The following CTNND2 variants were observed in gnomAD, a reference collection of about 807,000 sequenced individuals.
CTNND2 encodes the protein catenin delta 2, also known as catenin delta-2.
Under a neutral mutation model 144.4 loss-of-function variants are expected in CTNND2, and 22 were observed. That is an observed-to-expected ratio of 0.15 (90% CI 0.11 to 0.22). The LOEUF (loss-of-function observed/expected upper bound fraction) is 0.22, where lower values mean the gene tolerates loss of function less well. Ranked by LOEUF, CTNND2 falls within the 10% of genes least tolerant of loss-of-function variation. The pLI is 1.00. For missense variants in CTNND2, 1,353 were observed against 1,618.8 expected, an observed-to-expected ratio of 0.84 and a Z score of 2.82; for synonymous variants, 751 against 695.6, an observed-to-expected ratio of 1.08 and a Z score of -1.25.
chr5:11,564,609 T>A (rs1776929854), intron 3 of CTNND2, among the ~76,000 whole-genome samples: 1 of 151,522 alleles, frequency 6.6e-6, no homozygotes, highest in Non-Finnish European at 1.5e-5. Flanking sequence ...GAGCTCTGGA[T>A]CATTTACGAA....
chr5:11,495,946 T>C (rs1242056858), intron 3 of CTNND2, among the ~76,000 whole-genome samples: 1 of 152,182 alleles, frequency 6.6e-6, no homozygotes, highest in Non-Finnish European at 1.5e-5. Flanking sequence ...AGGACCTGTG[T>C]ATCTGGCAGT....
At chr5:11,687,770 T>C (rs369179926) in intron 2 of CTNND2, among the ~76,000 whole-genome samples, 41 of 151,974 alleles carry the variant, frequency 2.7e-4, no homozygotes, top group African/African-American at 9.2e-4. Context: ...TAATACACAG[T>C]GTGTTGGAAG....
chr5:11,652,502 T>A lies in CTNND2; in HGVS notation c.174+79634A>T, dbSNP rs146172229. Among the ~76,000 whole-genome samples the A allele has an allele frequency of 1.1e-4, 17 of 152,310 alleles. No individual in the cohort carries two copies. In the East Asian group the frequency reaches 2.3e-3, roughly 21 times the overall value. ...AAATAATTTATAAATTTCCAGCTATTTATATTGTATTGACATTTGTGAATG... is the reference window on the plus strand; with the variant it reads ...AAATAATTTATAAATTTCCAGCTATATATATTGTATTGACATTTGTGAATG... On this transcript the variant is annotated intron_variant, in intron 2 of 21. Transcript: ENST00000304623.
intron 10 of CTNND2, among the ~76,000 whole-genome samples, chr5:11,200,017 G>GACTT: frequency 6.6e-6 from 1 of 152,290 alleles, no homozygotes; most frequent in South Asian, 2.1e-4. Flanking sequence ...TCATTCCCTA[G>GACTT]ACTTATTAAA....
chr5:11,239,190 C>T (rs907964953), intron 9 of CTNND2, among the ~76,000 whole-genome samples: 1 of 152,266 alleles, frequency 6.6e-6, no homozygotes, highest in African/African-American at 2.4e-5. Context: ...TAGGTGATGG[C>T]TTACACGGCA....
intron 1 of CTNND2, among the ~76,000 whole-genome samples, chr5:11,857,821 A>G (rs533780153): frequency 0.015 from 2,289 of 152,318 alleles, 57 homozygotes; most frequent in African/African-American, 0.049. Flanking sequence ...GCATATAAGA[A>G]AAGGAAGAAT....
At chr5:11,863,131 T>C (rs1196261303) in intron 1 of CTNND2, among the ~76,000 whole-genome samples, 1 of 152,218 alleles carries the variant, frequency 6.6e-6, no homozygotes, top group Non-Finnish European at 1.5e-5. Flanking sequence ...AATTGTGTTT[T>C]CCTAAGAAAG....
chr5:11,146,719 A>T (rs576627287), intron 12 of CTNND2, among the ~76,000 whole-genome samples: 8 of 152,334 alleles, frequency 5.3e-5, no homozygotes, highest in African/African-American at 1.9e-4. Flanking sequence ...ACATGAGCAC[A>T]TCGTGAGGAC....
chr5:11,293,248 T>C (rs1340723864), intron 9 of CTNND2, among the ~76,000 whole-genome samples: 3 of 152,182 alleles, frequency 2.0e-5, no homozygotes, highest in African/African-American at 7.2e-5. Context: ...CCTCTCCTGA[T>C]ACATTTCCAA....
At chr5:11,211,240 T>C (rs1738598418) in intron 10 of CTNND2, among the ~76,000 whole-genome samples, 2 of 152,154 alleles carry the variant, frequency 1.3e-5, no homozygotes, top group South Asian at 2.1e-4. Context: ...CTGGAAGGCC[T>C]GTGTGCTAGT....
At chr5:11,214,434 T>C (rs1738961645) in intron 10 of CTNND2, among the ~76,000 whole-genome samples, 1 of 152,218 alleles carries the variant, frequency 6.6e-6, no homozygotes, top group Non-Finnish European at 1.5e-5. Flanking sequence ...TTCTCCAGAC[T>C]GGAAGGAAGG....
At chr5:11,677,575 C>T (rs917272573) in intron 2 of CTNND2, among the ~76,000 whole-genome samples, 3 of 152,014 alleles carry the variant, frequency 2.0e-5, no homozygotes, top group South Asian at 2.1e-4. Flanking sequence ...GTAGAGGAAC[C>T]GGCTTTAAGC....
chr5:11,721,686 G>A (rs1283303128), intron 2 of CTNND2, among the ~76,000 whole-genome samples: 1 of 152,222 alleles, frequency 6.6e-6, no homozygotes, highest in Non-Finnish European at 1.5e-5. Flanking sequence ...CAGGAGTTCA[G>A]ATGGTGCTGC....
chr5:11,157,185 T>C (rs1758300672), intron 12 of CTNND2, among the ~76,000 whole-genome samples: 1 of 152,204 alleles, frequency 6.6e-6, no homozygotes, highest in Non-Finnish European at 1.5e-5. Context: ...AGAGATTTTA[T>C]GAATAATAAC....
chr5:11,530,862 G>A (rs1418633807), intron 3 of CTNND2, among the ~76,000 whole-genome samples: 1 of 152,156 alleles, frequency 6.6e-6, no homozygotes, highest in African/African-American at 2.4e-5. Context: ...CTTGACTGGG[G>A]TTTTTTAACT....
chr5:11,203,168 T>C (rs902116699), intron 10 of CTNND2, among the ~76,000 whole-genome samples: 3 of 152,356 alleles, frequency 2.0e-5, no homozygotes, highest in Middle Eastern at 3.4e-3. Context: ...ACATGCAATC[T>C]TTCCAAGCTT....
intron 7 of CTNND2, among the ~76,000 whole-genome samples, chr5:11,383,537 A>G (rs968385069): frequency 6.6e-6 from 1 of 152,204 alleles, no homozygotes; most frequent in Non-Finnish European, 1.5e-5. Context: ...CGTAGCTAGC[A>G]TAATTTTGTG....
intron 3 of CTNND2, among the ~76,000 whole-genome samples, chr5:11,447,785 A>G (rs1183685600): frequency 6.6e-6 from 1 of 152,206 alleles, no homozygotes; most frequent in Non-Finnish European, 1.5e-5. Flanking sequence ...CAGCCTGAGT[A>G]GCAGGGGCCA....
chr5:11,684,936 C>T (rs1784575601), intron 2 of CTNND2, among the ~76,000 whole-genome samples: 1 of 152,212 alleles, frequency 6.6e-6, no homozygotes, highest in South Asian at 2.1e-4. Context: ...AGAGAATGGT[C>T]CAATCCTTCT....
Sources: allele counts gnomAD v4.1 joint callset (sites outside exome capture counted in the v4.1 genomes callset), GRCh38; gene constraint gnomAD v4.1.1; transcripts MANE v1.5; gene names NCBI Gene and HGNC (gene_info 2026-07-23, HGNC 2026-07-21).